The following GARIN1B variants were observed in gnomAD, a reference collection of about 807,000 sequenced individuals.
GARIN1B encodes the protein Golgi-associated RAB2 interactor protein 1B.
At chr7:128,715,966 C>T in the GARIN1B span, among the ~76,000 whole-genome samples, 1 of 152,172 alleles carries the variant, frequency 6.6e-6, no homozygotes, top group South Asian at 2.1e-4. Flanking sequence ...TTACTTCAGC[C>T]CCCAGGCTGT....
At chr7:128,723,478 C>T in the GARIN1B span, 8 of 721,914 alleles carry the variant, frequency 1.1e-5, no homozygotes, top group Non-Finnish European at 1.7e-5. Context: ...TTTGGGAGGT[C>T]AAGGCAGATG....
chr7:128,728,423 C>T, the GARIN1B span, among the ~76,000 whole-genome samples: 1 of 136,064 alleles, frequency 7.3e-6, no homozygotes, highest in Non-Finnish European at 1.6e-5. Context: ...AGCCTGGTGA[C>T]AGAGCGAGAC....
At chr7:128,726,538 A>C in the GARIN1B span, among the ~76,000 whole-genome samples, 1 of 152,194 alleles carries the variant, frequency 6.6e-6, no homozygotes, top group Non-Finnish European at 1.5e-5. Flanking sequence ...TAAATAGCTG[A>C]GATGCAGAAC....
the GARIN1B span, among the ~76,000 whole-genome samples, chr7:128,710,520 C>T: frequency 6.6e-6 from 1 of 151,798 alleles, no homozygotes; most frequent in Admixed American, 6.6e-5. Context: ...ATCTCTCTCC[C>T]CAGCTTTATT....
the GARIN1B span, among the ~76,000 whole-genome samples, chr7:128,719,758 G>A: frequency 7.4e-6 from 1 of 135,700 alleles, no homozygotes; most frequent in African/African-American, 2.9e-5. Context: ...GGAGTGCAGT[G>A]GCACAATCTT....
chr7:128,716,819 AG>A, the GARIN1B span: 14 of 1,605,688 alleles, frequency 8.7e-6, no homozygotes, highest in South Asian at 1.4e-4. Flanking sequence ...GCAGGTCAAA[AG>A]GGGCAGGAAT....
the GARIN1B span, chr7:128,716,959 G>A: frequency 3.2e-4 from 514 of 1,613,642 alleles, 4 homozygotes; most frequent in Non-Finnish European, 1.4e-4. Context: ...ACCAGACATG[G>A]AACAGACCAT....
the GARIN1B span, among the ~76,000 whole-genome samples, chr7:128,717,777 T>C: frequency 1.3e-5 from 2 of 150,006 alleles, no homozygotes; most frequent in Non-Finnish European, 3.0e-5. Flanking sequence ...TTTTAATCAG[T>C]AAAATAAATG....
At chr7:128,723,062 C>T in the GARIN1B span, 5 of 1,076,242 alleles carry the variant, frequency 4.6e-6, no homozygotes, top group Non-Finnish European at 6.4e-6. Flanking sequence ...TCAGAATTGC[C>T]TCTGTGAGCA....
the GARIN1B span, chr7:128,723,527 C>A: frequency 3.0e-6 from 1 of 328,774 alleles, no homozygotes; most frequent in Non-Finnish European, 5.7e-6. Flanking sequence ...AGCCTGGCCT[C>A]GATATACTGC....
chr7:128,725,693 CTATT>C, the GARIN1B span, among the ~76,000 whole-genome samples: 1 of 152,154 alleles, frequency 6.6e-6, no homozygotes, highest in Non-Finnish European at 1.5e-5. Flanking sequence ...TTTTAAATTA[CTATT>C]TAAAGAACCG....
chr7:128,715,898 G>A, the GARIN1B span, among the ~76,000 whole-genome samples: 1 of 151,446 alleles, frequency 6.6e-6, no homozygotes, highest in African/African-American at 2.4e-5. Context: ...TGTCACCCAG[G>A]GAGAAAGGTC....
the GARIN1B span, chr7:128,714,146 G>T: frequency 6.5e-7 from 1 of 1,535,746 alleles, no homozygotes. Context: ...AGAGCCTCCA[G>T]GCCCTTTAGG....
the GARIN1B span, chr7:128,723,368 G>A: frequency 6.3e-7 from 1 of 1,590,116 alleles, no homozygotes; most frequent in Non-Finnish European, 8.6e-7. Context: ...CTGCAACCCA[G>A]ATGGTCTGGG....
At chr7:128,720,349 C>A in the GARIN1B span, among the ~76,000 whole-genome samples, 1 of 151,988 alleles carries the variant, frequency 6.6e-6, no homozygotes, top group Admixed American at 6.6e-5. Context: ...CAAGCATGCA[C>A]CACCACACTC....
the GARIN1B span, chr7:128,717,035 GA>G: frequency 6.5e-7 from 1 of 1,545,770 alleles, no homozygotes; most frequent in East Asian, 2.3e-5. Context: ...CAAGAGGGGT[GA>G]GGGGTGGATG....
At chr7:128,724,779 G>A in the GARIN1B span, 2 of 1,289,558 alleles carry the variant, frequency 1.6e-6, no homozygotes, top group Non-Finnish European at 2.0e-6. Flanking sequence ...GAACCAGTTG[G>A]ACCAGCAGTT....
chr7:128,711,658 GAC>G, the GARIN1B span, among the ~76,000 whole-genome samples: 52,191 of 144,608 alleles, frequency 0.36, 9,602 homozygotes, highest in Middle Eastern at 0.42. Flanking sequence ...TGGTTTTACA[GAC>G]ACACACACAC....
chr7:128,718,409 G>C, the GARIN1B span, among the ~76,000 whole-genome samples: 6 of 142,808 alleles, frequency 4.2e-5, no homozygotes, highest in African/African-American at 1.6e-4. Context: ...TCCAGCCTGG[G>C]CAACAAGAGC....
Sources: allele counts gnomAD v4.1 joint callset (sites outside exome capture counted in the v4.1 genomes callset), GRCh38; gene constraint gnomAD v4.1.1; transcripts MANE v1.5; gene names NCBI Gene and HGNC (gene_info 2026-07-23, HGNC 2026-07-21).